The following NMNAT2 variants were observed in gnomAD, a reference collection of about 807,000 sequenced individuals.
NMNAT2 encodes nicotinamide nucleotide adenylyltransferase 2.
A neutral mutation model predicts 41.6 loss-of-function variants in NMNAT2; 11 were observed. That is an observed-to-expected ratio of 0.26 (90% CI 0.17 to 0.44). The LOEUF (loss-of-function observed/expected upper bound fraction) is 0.44, where lower values mean the gene tolerates loss of function less well. NMNAT2 is among the 20% of genes least tolerant of loss of function. The probability of loss-of-function intolerance (pLI) is 1.00; values close to 1 mark genes in which losing one functional copy is unlikely to be tolerated. For missense variants in NMNAT2, 288 were observed against 407.7 expected, an observed-to-expected ratio of 0.71 and a Z score of 2.53; for synonymous variants, 148 against 151.2, an observed-to-expected ratio of 0.98 and a Z score of 0.16.
chr1:183,366,336 G>C (rs1260209067), intron 1 of NMNAT2, among the ~76,000 whole-genome samples: 1 of 152,154 alleles, frequency 6.6e-6, no homozygotes, highest in East Asian at 1.9e-4. Context: ...ACTTCATAGG[G>C]TCATTTTTAG....
At chr1:183,345,550 T>C (rs1212099889) in intron 1 of NMNAT2, among the ~76,000 whole-genome samples, 1 of 152,136 alleles carries the variant, frequency 6.6e-6, no homozygotes, top group African/African-American at 2.4e-5. Context: ...GAGACCTCAT[T>C]GGCCCTCCCA....
In NMNAT2 at chr1:183,370,565, G is replaced by A. The variant is rs188698557; in HGVS notation, c.85+47618C>T. On this transcript the variant is annotated intron_variant, in intron 1 of 10. Transcript: ENST00000287713. ...CATAGAAGGAAACTGAAAAACCTCT[G>A]TGAATGCCCTGGAGCCCAGCCAGCC... Among the ~76,000 whole-genome samples the A allele has an allele frequency of 1.4e-3, 213 of 152,300 alleles. 2 individuals carry two copies. Among genetic ancestry groups the A allele is most frequent in the African/African-American group, 4.5e-3 (185 of 41,550 alleles).
intron 1 of NMNAT2, among the ~76,000 whole-genome samples, chr1:183,357,448 C>A (rs1195429116): frequency 2.0e-5 from 3 of 151,866 alleles, no homozygotes; most frequent in South Asian, 2.1e-4. Context: ...CCAGGATGGT[C>A]TCTATCTCCT....
At position 183,291,286 on chromosome 1, in the gene NMNAT2, T is replaced by C. The variant is rs149226591; in HGVS notation, c.243-1080A>G. 2.5e-3 allele frequency among the ~76,000 whole-genome samples: 383 copies of C among 151,960 alleles called. 3 individuals are homozygous for C. Among genetic ancestry groups the C allele is most frequent in the Admixed American group, 6.0e-3 (92 of 15,264 alleles). ...CACCCTACCCCACCACCCCACCACA[T>C]ACACATGCCTAAAGTGCCCAGAGAT... On this transcript the variant is annotated intron_variant, in intron 3 of 10. Coordinates refer to ENST00000287713, the MANE Select transcript of NMNAT2 (RefSeq NM_015039.4).
chr1:183,395,356 G>A (rs1293426703), intron 1 of NMNAT2, among the ~76,000 whole-genome samples: 1 of 151,772 alleles, frequency 6.6e-6, no homozygotes, highest in South Asian at 2.1e-4. Context: ...GGTAGAAAAT[G>A]TGATAGAGGT....
chr1:183,343,376 C>T (rs1662860784), intron 1 of NMNAT2, among the ~76,000 whole-genome samples: 1 of 152,200 alleles, frequency 6.6e-6, no homozygotes, highest in Non-Finnish European at 1.5e-5. Context: ...CTTAGTTTAT[C>T]TGTCATATGC....
chr1:183,413,384 G>A (rs910288345), intron 1 of NMNAT2, among the ~76,000 whole-genome samples: 6 of 151,950 alleles, frequency 3.9e-5, no homozygotes, highest in Admixed American at 1.3e-4. Context: ...TCCTGTTTTT[G>A]GTCACATTCT....
chr1:183,348,793 C>A (rs1571613142), intron 1 of NMNAT2, among the ~76,000 whole-genome samples: 1 of 152,330 alleles, frequency 6.6e-6, no homozygotes, highest in Non-Finnish European at 1.5e-5. Flanking sequence ...TTGGCGAGAT[C>A]TGAGTTCCCT....
intron 1 of NMNAT2, among the ~76,000 whole-genome samples, chr1:183,413,885 G>A (rs1469682427): frequency 6.6e-6 from 1 of 152,116 alleles, no homozygotes; most frequent in Non-Finnish European, 1.5e-5. Context: ...GGGATTACAG[G>A]CATGAGCCAC....
chr1:183,401,989 C>A (rs1648824703), intron 1 of NMNAT2, among the ~76,000 whole-genome samples: 1 of 151,974 alleles, frequency 6.6e-6, no homozygotes, highest in South Asian at 2.1e-4. Flanking sequence ...TTAATGGGTG[C>A]AGCACACCAA....
At position 183,280,364 on chromosome 1, in the gene NMNAT2, C is replaced by G. The variant is rs1471902205; in HGVS notation, c.575-1735G>C. Among the ~76,000 whole-genome samples the G allele has an allele frequency of 2.6e-5, 4 of 152,098 alleles. No individual in the cohort carries two copies. The East Asian group carries it at 7.7e-4, about 29-fold the overall frequency. ...GGCCCAGGGTGGCTTTGAATGCAGT[C>G]TAACATAAATTCGTAAACTTCCTTT... is the stretch of plus-strand genomic sequence containing the variant. On this transcript the variant is annotated intron_variant, in intron 7 of 10. Transcript: ENST00000287713.
At chr1:183,343,149 C>T (rs1038086635) in intron 1 of NMNAT2, among the ~76,000 whole-genome samples, 3 of 152,164 alleles carry the variant, frequency 2.0e-5, no homozygotes, top group Non-Finnish European at 4.4e-5. Context: ...TGAGGCCAAC[C>T]ATCTTGGACT....
chr1:183,394,739 C>T (rs566367321), intron 1 of NMNAT2, among the ~76,000 whole-genome samples: 19 of 152,204 alleles, frequency 1.2e-4, no homozygotes, highest in Non-Finnish European at 2.1e-4. Context: ...CACTGCAGAA[C>T]CCACCAGGGG....
intron 1 of NMNAT2, among the ~76,000 whole-genome samples, chr1:183,402,867 T>C (rs1648851004): frequency 6.9e-6 from 1 of 145,816 alleles, no homozygotes; most frequent in Non-Finnish European, 1.5e-5. Flanking sequence ...TTCTTTCCTC[T>C]TTCCCATTCC....
intron 1 of NMNAT2, among the ~76,000 whole-genome samples, chr1:183,318,436 G>A (rs968946567): frequency 6.6e-6 from 1 of 152,288 alleles, no homozygotes; most frequent in South Asian, 2.1e-4. Flanking sequence ...TTCTGTGCTC[G>A]GAAGTCAGGG....
intron 1 of NMNAT2, among the ~76,000 whole-genome samples, chr1:183,398,777 A>G (rs1004861261): frequency 1.3e-5 from 2 of 152,258 alleles, no homozygotes; most frequent in Admixed American, 6.5e-5. Flanking sequence ...CTGCTCAACT[A>G]CATGGAAACT....
intron 1 of NMNAT2, among the ~76,000 whole-genome samples, chr1:183,309,793 C>T (rs576293868): frequency 2.0e-5 from 3 of 152,164 alleles, no homozygotes; most frequent in African/African-American, 7.2e-5. Context: ...AATTCATAAG[C>T]AAGGATAAGG....
intron 1 of NMNAT2, among the ~76,000 whole-genome samples, chr1:183,294,528 C>G (rs928061197): frequency 6.6e-6 from 1 of 152,180 alleles, no homozygotes; most frequent in Non-Finnish European, 1.5e-5. Context: ...TGTGGTGGCT[C>G]ACACCTGTAA....
intron 1 of NMNAT2, among the ~76,000 whole-genome samples, chr1:183,395,140 C>A (rs1172530810): frequency 6.6e-6 from 1 of 152,126 alleles, no homozygotes; most frequent in Non-Finnish European, 1.5e-5. Context: ...TTACTCTGGA[C>A]TAGACAATGT....
Sources: gnomAD v4.1 joint callset for allele counts (sites outside exome capture counted in the v4.1 genomes callset) on GRCh38, gnomAD v4.1.1 for gene constraint, MANE v1.5 for transcripts, NCBI Gene and HGNC (gene_info 2026-07-23, HGNC 2026-07-21) for gene names.